CPA6: variants seen among roughly 807,000 people sequenced by gnomAD.
The protein encoded by CPA6 is carboxypeptidase B.
Under a neutral mutation model 63.3 loss-of-function variants are expected in CPA6, and 58 were observed. That is an observed-to-expected ratio of 0.92 (90% confidence interval 0.74 to 1.14). The LOEUF is 1.14. Among genes scored for constraint, CPA6 ranks in the 50% most tolerant of loss-of-function variants. The pLI is 0.00. For synonymous variants in CPA6, 185 were observed against 179.0 expected, an observed-to-expected ratio of 1.03 and a Z score of -0.27; for missense variants, 565 against 526.6, an observed-to-expected ratio of 1.07 and a Z score of -0.71.
intron 8 of CPA6, among the ~76,000 whole-genome samples, chr8:67,459,678 A>C (rs1040348837): frequency 1.3e-5 from 2 of 152,168 alleles, no homozygotes; most frequent in Non-Finnish European, 2.9e-5. Context: ...GTAAGATACT[A>C]TATTGAGGGA....
intron 8 of CPA6, among the ~76,000 whole-genome samples, chr8:67,475,876 TTTCTCCTTTCTTTCTTTC>T (rs1563967987): frequency 1.3e-4 from 10 of 77,412 alleles, no homozygotes; most frequent in African/African-American, 5.3e-4. Flanking sequence ...TCTTTCTTTC[TTTCTCCTTTCTTTCTTTC>T]TTTCTTTCTT....
At chr8:67,663,463 T>C (rs1816161753) in intron 1 of CPA6, among the ~76,000 whole-genome samples, 1 of 152,106 alleles carries the variant, frequency 6.6e-6, no homozygotes, top group African/African-American at 2.4e-5. Flanking sequence ...ACCTATCAAC[T>C]CATCACCTAG....
intron 10 of CPA6, among the ~76,000 whole-genome samples, chr8:67,426,271 CA>C (rs1326542304): frequency 6.6e-6 from 1 of 152,210 alleles, no homozygotes; most frequent in Admixed American, 6.5e-5. Flanking sequence ...ATCCGGCCAA[CA>C]GCCTCATTTC....
At chr8:67,667,231 T>G (rs1816250466) in intron 1 of CPA6, among the ~76,000 whole-genome samples, 1 of 151,724 alleles carries the variant, frequency 6.6e-6, no homozygotes, top group South Asian at 2.1e-4. Flanking sequence ...TGGAGCCCGA[T>G]GTCATTTCGG....
chr8:67,588,934 T>C (rs1318618528), intron 2 of CPA6, among the ~76,000 whole-genome samples: 10 of 152,066 alleles, frequency 6.6e-5, no homozygotes, highest in Non-Finnish European at 1.5e-4. Context: ...CAGGCCAATA[T>C]GGTGAAACCC....
chr8:67,553,069 T>G (rs1812985582), intron 2 of CPA6, among the ~76,000 whole-genome samples: 1 of 152,178 alleles, frequency 6.6e-6, no homozygotes, highest in African/African-American at 2.4e-5. Flanking sequence ...GAAGTTAACC[T>G]TTTAATCATT....
In CPA6 at chr8:67,543,225, A is replaced by G. The variant is rs570202122; in HGVS notation, c.193-25178T>C. On this transcript the variant is annotated intron_variant, in intron 2 of 10. Coordinates refer to ENST00000297770, the MANE Select transcript of CPA6 (RefSeq NM_020361.5). Reference sequence around the variant, plus strand: ...AGCCACTTATATTCTCAAGCAAAATAGAAATGATTGTCTATCTTCATGCTA... The same window carrying G: ...AGCCACTTATATTCTCAAGCAAAATGGAAATGATTGTCTATCTTCATGCTA... 3.3e-4 allele frequency among the ~76,000 whole-genome samples: 51 copies of G among 152,358 alleles called. No individual in the cohort carries two copies. The South Asian group carries it at 0.01, about 31-fold the overall frequency.
intron 1 of CPA6, among the ~76,000 whole-genome samples, chr8:67,626,580 A>G (rs1254716019): frequency 1.3e-5 from 2 of 152,220 alleles, no homozygotes; most frequent in Admixed American, 6.5e-5. Context: ...TCACTGTAAA[A>G]CAAATCTAAA....
chr8:67,593,394 A>G (rs1461302714), intron 2 of CPA6, among the ~76,000 whole-genome samples: 1 of 152,118 alleles, frequency 6.6e-6, no homozygotes, highest in Non-Finnish European at 1.5e-5. Flanking sequence ...GTAGATGTCT[A>G]TTAGGTCCGC....
intron 1 of CPA6, among the ~76,000 whole-genome samples, chr8:67,686,142 C>T (rs1469491074): frequency 6.6e-6 from 1 of 152,168 alleles, no homozygotes; most frequent in Admixed American, 6.5e-5. Context: ...TTTCCTTGGT[C>T]ATTTATGTTT....
chr8:67,661,630 T>C (rs528996815), intron 1 of CPA6, among the ~76,000 whole-genome samples: 1 of 152,330 alleles, frequency 6.6e-6, no homozygotes, highest in East Asian at 1.9e-4. Context: ...GACTGCTTTA[T>C]TACAGTGCAA....
At chr8:67,724,760 A>T (rs1300541414) in intron 1 of CPA6, among the ~76,000 whole-genome samples, 1 of 152,214 alleles carries the variant, frequency 6.6e-6, no homozygotes, top group Non-Finnish European at 1.5e-5. Flanking sequence ...CAACGGGAGC[A>T]ATCATGTACC....
chr8:67,673,823 G>A (rs1344718524), intron 1 of CPA6, among the ~76,000 whole-genome samples: 1 of 152,134 alleles, frequency 6.6e-6, no homozygotes, highest in African/African-American at 2.4e-5. Context: ...ACTACTGAAA[G>A]CATCAGGAGC....
chr8:67,438,731 C>T (rs745872566), intron 8 of CPA6, among the ~76,000 whole-genome samples: 14 of 150,482 alleles, frequency 9.3e-5, no homozygotes, highest in Middle Eastern at 6.8e-3. Context: ...GTATAATGAT[C>T]CAGGTATCAA....
At chr8:67,600,039 C>T (rs1314489988) in intron 2 of CPA6, among the ~76,000 whole-genome samples, 2 of 151,378 alleles carry the variant, frequency 1.3e-5, no homozygotes, top group African/African-American at 4.9e-5. Flanking sequence ...AGGAATGGCA[C>T]AAGGCAATAC....
intron 8 of CPA6, among the ~76,000 whole-genome samples, chr8:67,450,675 G>C (rs1810537297): frequency 6.6e-6 from 1 of 152,176 alleles, no homozygotes; most frequent in Non-Finnish European, 1.5e-5. Flanking sequence ...AGACGTGAGT[G>C]GTGACAATCT....
At chr8:67,627,949 G>A (rs1431022776) in intron 1 of CPA6, among the ~76,000 whole-genome samples, 1 of 152,162 alleles carries the variant, frequency 6.6e-6, no homozygotes, top group African/African-American at 2.4e-5. Flanking sequence ...AAGGGAACAC[G>A]ATCTCCAACT....
chr8:67,535,634 AT>A (rs1232036866), intron 2 of CPA6, among the ~76,000 whole-genome samples: 2 of 151,956 alleles, frequency 1.3e-5, no homozygotes, highest in African/African-American at 4.8e-5. Flanking sequence ...GATTGCAAAA[AT>A]TTTCTCCCAT....
rs556083203 is a variant in CPA6 at position 67,558,675 on chromosome 8, G to A, written c.193-40628C>T. 1.2e-4 allele frequency among the ~76,000 whole-genome samples: 19 copies of A among 152,212 alleles called. No individual in the cohort carries two copies. The East Asian group carries it at 1.7e-3, about 14-fold the overall frequency. On this transcript the variant is annotated intron_variant, in intron 2 of 10. Coordinates refer to ENST00000297770, the MANE Select transcript of CPA6 (RefSeq NM_020361.5). ...AAGGGTTTGGCAGCAAGAGGGCTAA[G>A]CATAGTTTTGCTGGAAGACACTGTC...
Sources: allele counts gnomAD v4.1 joint callset (sites outside exome capture counted in the v4.1 genomes callset), GRCh38; gene constraint gnomAD v4.1.1; transcripts MANE v1.5; gene names NCBI Gene and HGNC (gene_info 2026-07-23, HGNC 2026-07-21).